Variants in RGS17 observed in about 807,000 individuals in gnomAD.
The protein encoded by RGS17 is regulator of G-protein signaling 17.
In RGS17, 12 loss-of-function variants were observed where a neutral mutation model predicts 25.5. That is an observed-to-expected ratio of 0.47 (90% CI 0.30 to 0.76). RGS17 has a LOEUF of 0.76. Ranked by LOEUF, RGS17 falls within the 30% of genes least tolerant of loss-of-function variation. RGS17 has a pLI of 0.07. For missense variants in RGS17, 196 were observed against 242.2 expected (o/e 0.81, Z 1.27); for synonymous variants, 71 against 76.9 (o/e 0.92, Z 0.40).
Position 153,089,766 on chromosome 6 carries a change from GT to G in RGS17, c.-26+41357del, listed in dbSNP as rs567296136. On this transcript the variant is annotated intron_variant, in intron 1 of 4. Transcript: ENST00000206262. Reference sequence around the variant, plus strand: ...TAGAGAAAAGATAAAGATGCATTAAGTTTTTTAAAAAACACCTATACCTGTA... The same window carrying G: ...TAGAGAAAAGATAAAGATGCATTAAGTTTTTAAAAAACACCTATACCTGTA... 3.9e-5 allele frequency among the ~76,000 whole-genome samples: 6 copies of G among 152,048 alleles called. No homozygotes were observed. The South Asian group carries it at 6.2e-4, about 16-fold the overall frequency.
chr6:153,012,212 A>G (rs938864358), intron 4 of RGS17, among the ~76,000 whole-genome samples: 2 of 152,140 alleles, frequency 1.3e-5, no homozygotes, highest in East Asian at 3.9e-4. Flanking sequence ...TAAAATGCCA[A>G]CTCCCCACAG....
chr6:153,121,313 T>C (rs948313431), intron 1 of RGS17, among the ~76,000 whole-genome samples: 3 of 152,232 alleles, frequency 2.0e-5, no homozygotes, highest in East Asian at 1.9e-4. Flanking sequence ...TTTTAGACTG[T>C]ATCCTCTGAA....
rs1040688931 is a variant in RGS17 at position 153,010,977 on chromosome 6, C to T, written c.*597G>A. The stretch of plus-strand genomic sequence containing the variant: ...GGCAGTGAACAACCAGAGGAATCCC[C>T]ATTAGGATTTTCCAACAAACAGAGA... On this transcript the variant is annotated 3_prime_UTR_variant, in exon 5 of 5. Coordinates refer to ENST00000206262, the MANE Select transcript of RGS17 (RefSeq NM_012419.5). The T allele has an allele frequency of 3.3e-5, 5 of 151,986 alleles. No homozygotes were observed. The highest frequency in any genetic ancestry group is 1.2e-4 in the African/African-American group (5 of 41,246). The allele number at this position is 151,986 out of a possible 1,614,324, so 9.4% of individuals were successfully genotyped here. A position where few individuals can be genotyped will look rare whatever the true frequency, so the allele number is the denominator to read the frequency against.
At chr6:153,128,428 C>T (rs560255468) in intron 1 of RGS17, among the ~76,000 whole-genome samples, 1 of 152,128 alleles carries the variant, frequency 6.6e-6, no homozygotes, top group Non-Finnish European at 1.5e-5. Context: ...GGCATCGTAC[C>T]TCATCATCCA....
intron 1 of RGS17, among the ~76,000 whole-genome samples, chr6:153,068,494 A>C (rs1328213684): frequency 6.6e-6 from 1 of 152,164 alleles, no homozygotes; most frequent in Non-Finnish European, 1.5e-5. Context: ...TCAGACTATG[A>C]AACTTTTACA....
chr6:153,083,526 G>GT (rs1777011516), intron 1 of RGS17, among the ~76,000 whole-genome samples: 1 of 152,166 alleles, frequency 6.6e-6, no homozygotes, highest in Admixed American at 6.5e-5. Flanking sequence ...TGGCAGAGTG[G>GT]TAAGTCTGTT....
chr6:153,100,511 T>C (rs924994423), intron 1 of RGS17, among the ~76,000 whole-genome samples: 6 of 150,016 alleles, frequency 4.0e-5, no homozygotes, highest in African/African-American at 7.4e-5. Flanking sequence ...CCTATATGTA[T>C]GTAAAATTAT....
chr6:153,025,614 C>A (rs1198300857), intron 3 of RGS17, among the ~76,000 whole-genome samples: 1 of 144,660 alleles, frequency 6.9e-6, no homozygotes, highest in African/African-American at 2.5e-5. Context: ...AGACATTTGG[C>A]CAAAGAAGTA....
In RGS17 at chr6:153,064,718, T is replaced by C. The variant is rs530428277; in HGVS notation, c.-25-20675A>G. Among the ~76,000 whole-genome samples, 76 of 151,782 alleles carry C rather than the reference T, an allele frequency of 5.0e-4. 1 individual carries two copies. In the East Asian group the frequency reaches 0.013, roughly 27 times the overall value. ...CTTTATTTGTTTATGCAAACAGTGTTAAGTTGTTATCAGTTTAAAATTAAG... is the reference window on the plus strand; with the variant it reads ...CTTTATTTGTTTATGCAAACAGTGTCAAGTTGTTATCAGTTTAAAATTAAG... On this transcript the variant is annotated intron_variant, in intron 1 of 4. Coordinates refer to ENST00000206262, the MANE Select transcript of RGS17 (RefSeq NM_012419.5).
At position 153,004,638 on chromosome 6, in the gene RGS17, T is replaced by A. The variant is rs1676767219; in HGVS notation, c.*6936A>T. On this transcript the variant is annotated 3_prime_UTR_variant, in exon 5 of 5. Coordinates refer to ENST00000206262, the MANE Select transcript of RGS17 (RefSeq NM_012419.5). The stretch of plus-strand genomic sequence containing the variant: ...ACTTCTGAATATTTTTACATTACTG[T>A]CATGCTCAAATTCTGTTACATGGTG... The A allele has an allele frequency of 1.3e-5, 2 of 152,312 alleles. No homozygotes were observed. The highest frequency in any genetic ancestry group is 4.1e-4 in the South Asian group (2 of 4,830). The allele number at this position is 152,312 out of a possible 1,614,324, so 9.4% of individuals were successfully genotyped here.
rs1037531318 is a variant in RGS17 at position 153,023,189 on chromosome 6, T to C, written c.444+1073A>G. Among the ~76,000 whole-genome samples, 19 of 152,226 alleles carry C rather than the reference T, an allele frequency of 1.2e-4. 3 individuals carry two copies. The highest frequency in any genetic ancestry group is 1.2e-3 in the Admixed American group (18 of 15,276). On this transcript the variant is annotated intron_variant, in intron 4 of 4. Coordinates refer to ENST00000206262, the MANE Select transcript of RGS17 (RefSeq NM_012419.5). ...ATAAAATAGACACTAATTCCTTTTA[T>C]AGATCTCAAAGCAAGGAGTGTAAGG...
At chr6:153,029,828 A>T (rs180999457) in intron 2 of RGS17, among the ~76,000 whole-genome samples, 2 of 152,208 alleles carry the variant, frequency 1.3e-5, no homozygotes, top group Admixed American at 6.5e-5. Context: ...TGACCTTGTG[A>T]TCCACCCACT....
intron 2 of RGS17, among the ~76,000 whole-genome samples, chr6:153,039,149 A>C (rs1776289598): frequency 6.6e-6 from 1 of 152,114 alleles, no homozygotes; most frequent in Non-Finnish European, 1.5e-5. Flanking sequence ...TGGAAATGAA[A>C]AGCTTGGAAG....
At chr6:153,125,080 T>C (rs1777685950) in intron 1 of RGS17, among the ~76,000 whole-genome samples, 1 of 152,182 alleles carries the variant, frequency 6.6e-6, no homozygotes, top group Non-Finnish European at 1.5e-5. Context: ...AAATAAACAC[T>C]CACCTGCTCA....
At chr6:153,032,892 G>A (rs1776171593) in intron 2 of RGS17, among the ~76,000 whole-genome samples, 1 of 152,170 alleles carries the variant, frequency 6.6e-6, no homozygotes, top group African/African-American at 2.4e-5. Context: ...GTCTCATGCT[G>A]GGATAATACA....
intron 4 of RGS17, among the ~76,000 whole-genome samples, chr6:153,017,915 G>C (rs577550386): frequency 6.6e-6 from 1 of 151,866 alleles, no homozygotes. Context: ...AACTAAATTT[G>C]GTATTCCTAT....
At position 153,037,822 on chromosome 6, in the gene RGS17, A is replaced by T. The variant is rs1776269983; in HGVS notation, c.119+6078T>A. 2.6e-5 allele frequency among the ~76,000 whole-genome samples: 4 copies of T among 152,224 alleles called. No homozygotes were observed. The South Asian group carries it at 8.3e-4, about 32-fold the overall frequency. ...GGAGTTTTGTGAATTCAAATACAAG[A>T]TCTATGTAATATAATTTTTACCAAA... On this transcript the variant is annotated intron_variant, in intron 2 of 4. Transcript: ENST00000206262.
chr6:153,087,765 A>G (rs556944847), intron 1 of RGS17, among the ~76,000 whole-genome samples: 1 of 152,304 alleles, frequency 6.6e-6, no homozygotes, highest in African/African-American at 2.4e-5. Context: ...GCTCTAATTA[A>G]GAAACTACCC....
intron 1 of RGS17, among the ~76,000 whole-genome samples, chr6:153,047,053 A>G (rs142547551): frequency 1.3e-5 from 2 of 152,346 alleles, no homozygotes; most frequent in East Asian, 3.9e-4. Context: ...TAGATGCTGA[A>G]GATGGTGGGC....
Sources: gnomAD v4.1 joint callset for allele counts (sites outside exome capture counted in the v4.1 genomes callset) on GRCh38, gnomAD v4.1.1 for gene constraint, MANE v1.5 for transcripts, NCBI Gene and HGNC (gene_info 2026-07-23, HGNC 2026-07-21) for gene names.